The following DLGAP2 variants were observed in gnomAD, a reference collection of about 807,000 sequenced individuals.
DLGAP2 encodes disks large-associated protein 2.
In DLGAP2, 26 loss-of-function variants were observed where a neutral mutation model predicts 100.3. That is an observed-to-expected ratio of 0.26 (90% CI 0.19 to 0.36). The LOEUF (loss-of-function observed/expected upper bound fraction) is 0.36, where lower values mean the gene tolerates loss of function less well. Among genes scored for constraint, DLGAP2 ranks in the 10% least tolerant of loss-of-function variants. DLGAP2 has a pLI of 1.00. For synonymous variants in DLGAP2, 886 were observed against 630.1 expected (o/e 1.41, Z -6.08); for missense variants, 1,858 against 1,453.2 (o/e 1.28, Z -4.53).
chr8:801,086 G>A (rs1160028270), intron 1 of DLGAP2, among the ~76,000 whole-genome samples: 1 of 151,534 alleles, frequency 6.6e-6, no homozygotes, highest in Non-Finnish European at 1.5e-5. Context: ...TTCTCACCAC[G>A]CTGCGTGTTC....
At chr8:1,132,896 TAAAAATTTGGGGGTCAACAG>T (rs1796326067) in intron 2 of DLGAP2, among the ~76,000 whole-genome samples, 1 of 152,320 alleles carries the variant, frequency 6.6e-6, no homozygotes, top group African/African-American at 2.4e-5. Flanking sequence ...AAGCTTTGTT[TAAAAATTTGGGGGTCAACAG>T]AAAAATGTTA....
At chr8:1,011,381 A>G (rs1801280793) in intron 2 of DLGAP2, among the ~76,000 whole-genome samples, 1 of 147,900 alleles carries the variant, frequency 6.8e-6, no homozygotes, top group Non-Finnish European at 1.5e-5. Flanking sequence ...CAGTCTACAC[A>G]GTGAGCCCTA....
intron 1 of DLGAP2, among the ~76,000 whole-genome samples, chr8:862,174 C>T (rs991605313): frequency 3.3e-5 from 5 of 152,104 alleles, no homozygotes; most frequent in African/African-American, 9.7e-5. Flanking sequence ...CTCCGGGCCT[C>T]GTCCAGAACA....
intron 1 of DLGAP2, among the ~76,000 whole-genome samples, chr8:878,665 C>T (rs1480378655): frequency 6.6e-6 from 1 of 152,122 alleles, no homozygotes; most frequent in East Asian, 1.9e-4. Flanking sequence ...GAGGGACCCT[C>T]ATGGAGAGAT....
intron 3 of DLGAP2, 109 bp downstream of exon 3, chr8:1,258,992 G>A (rs1346159316): frequency 2.1e-6 from 2 of 946,272 alleles, no homozygotes; most frequent in African/African-American, 3.4e-5. Context: ...TGAACATTGA[G>A]GACGCAGTCT....
chr8:1,193,727 A>C (rs531345650), intron 2 of DLGAP2, among the ~76,000 whole-genome samples: 2 of 151,984 alleles, frequency 1.3e-5, no homozygotes, highest in South Asian at 4.2e-4. Context: ...AGACTCCCGG[A>C]CAGCATCCGG....
intron 3 of DLGAP2, among the ~76,000 whole-genome samples, chr8:1,422,256 G>T (rs1251584334): frequency 2.0e-5 from 3 of 152,154 alleles, no homozygotes; most frequent in Non-Finnish European, 4.4e-5. Flanking sequence ...ATATGGAAAA[G>T]ATACCAGAAG....
chr8:883,238 A>C (rs564514894), intron 1 of DLGAP2: 1 of 152,376 alleles, frequency 6.6e-6, no homozygotes, highest in Non-Finnish European at 1.5e-5. Flanking sequence ...ACGTGCAGTG[A>C]CCGTTCTCTT....
intron 2 of DLGAP2, among the ~76,000 whole-genome samples, chr8:1,223,308 G>A (rs955710209): frequency 2.0e-5 from 3 of 152,176 alleles, no homozygotes; most frequent in African/African-American, 2.4e-5. Context: ...ACAGTGTGCA[G>A]GTCTATGCCA....
intron 2 of DLGAP2, among the ~76,000 whole-genome samples, chr8:1,036,421 A>G (rs1039360443): frequency 6.6e-6 from 1 of 152,184 alleles, no homozygotes; most frequent in African/African-American, 2.4e-5. Context: ...TCAGGGCTGG[A>G]AAGGCTTTTG....
chr8:1,624,361 G>C (rs996405458), intron 6 of DLGAP2, among the ~76,000 whole-genome samples: 1 of 152,040 alleles, frequency 6.6e-6, no homozygotes, highest in African/African-American at 2.4e-5. Flanking sequence ...GCCTCAGTCA[G>C]GGCTCTTGGC....
At chr8:1,175,428 C>T (rs1197977443) in intron 2 of DLGAP2, among the ~76,000 whole-genome samples, 1 of 152,110 alleles carries the variant, frequency 6.6e-6, no homozygotes, top group East Asian at 1.9e-4. Context: ...ACTAAAATAG[C>T]CTTCATTTAT....
chr8:1,417,232 G>C (rs186126430), intron 3 of DLGAP2, among the ~76,000 whole-genome samples: 2 of 90,162 alleles, frequency 2.2e-5, no homozygotes, highest in Non-Finnish European at 4.5e-5. Context: ...CGTCCGTTTG[G>C]CGTCTGAGGT....
At chr8:947,093 G>C (rs1799345031) in intron 2 of DLGAP2, among the ~76,000 whole-genome samples, 1 of 152,198 alleles carries the variant, frequency 6.6e-6, no homozygotes, top group African/African-American at 2.4e-5. Flanking sequence ...CTCTGGGATG[G>C]CATCCCTGGC....
chr8:1,333,082 C>A (rs1472510538), intron 3 of DLGAP2, among the ~76,000 whole-genome samples: 3 of 152,170 alleles, frequency 2.0e-5, no homozygotes, highest in African/African-American at 2.4e-5. Flanking sequence ...GGAGGTCAGG[C>A]TCTTCATGCC....
At chr8:1,469,990 TA>T (rs1338640345) in intron 3 of DLGAP2, among the ~76,000 whole-genome samples, 81 of 112,864 alleles carry the variant, frequency 7.2e-4, no homozygotes, top group Admixed American at 5.2e-4. Flanking sequence ...ACCTCATCCC[TA>T]AAAAAAAAAA....
At chr8:1,411,620 C>G (rs1023365943) in intron 3 of DLGAP2, among the ~76,000 whole-genome samples, 1 of 152,166 alleles carries the variant, frequency 6.6e-6, no homozygotes, top group African/African-American at 2.4e-5. Flanking sequence ...TCGTGCTCCT[C>G]CTGGCCTGGT....
At chr8:1,235,634 A>G (rs1798636561) in intron 2 of DLGAP2, among the ~76,000 whole-genome samples, 1 of 91,290 alleles carries the variant, frequency 1.1e-5, no homozygotes, top group Admixed American at 1.1e-4. Flanking sequence ...ACATAGCATC[A>G]TGTCTAGTTC....
At chr8:1,410,891 G>C (rs1796712826) in intron 3 of DLGAP2, among the ~76,000 whole-genome samples, 1 of 151,354 alleles carries the variant, frequency 6.6e-6, no homozygotes, top group Admixed American at 6.6e-5. Flanking sequence ...AGGAAGGAAG[G>C]CTGAGCTCCT....
Sources: allele counts gnomAD v4.1 joint callset (sites outside exome capture counted in the v4.1 genomes callset), GRCh38; gene constraint gnomAD v4.1.1; transcripts MANE v1.5; gene names NCBI Gene and HGNC (gene_info 2026-07-23, HGNC 2026-07-21).